The following NEK1 variants were observed in gnomAD, a reference collection of about 807,000 sequenced individuals.
The protein encoded by NEK1 is NIMA related kinase 1, also known as serine/threonine-protein kinase Nek1.
NEK1 carries 137 observed loss-of-function variants against 182.1 expected under a neutral mutation model. The observed-to-expected ratio is 0.75, with a 90% CI of 0.65 to 0.87. The LOEUF (loss-of-function observed/expected upper bound fraction) is 0.87. Ranked by LOEUF, NEK1 falls within the 40% of genes least tolerant of loss-of-function variation. The pLI is 0.00. For synonymous variants in NEK1, 513 were observed against 492.2 expected, an observed-to-expected ratio of 1.04 and a Z score of -0.56; for missense variants, 1,391 against 1,494.4, an observed-to-expected ratio of 0.93 and a Z score of 1.14.
At chr4:169,495,301 T>C (rs1162152122) in intron 23 of NEK1, among the ~76,000 whole-genome samples, 1 of 144,766 alleles carries the variant, frequency 6.9e-6, no homozygotes, top group Non-Finnish European at 1.5e-5. Flanking sequence ...TGGAGTGCAG[T>C]GGCGCGATCT....
At chr4:169,542,711 T>G (rs1421227789) in intron 18 of NEK1, among the ~76,000 whole-genome samples, 2 of 152,150 alleles carry the variant, frequency 1.3e-5, no homozygotes, top group East Asian at 1.9e-4. Flanking sequence ...AGATGGTATC[T>G]CATTGTGGTT....
In NEK1 at chr4:169,424,634, C is replaced by T. The variant is rs190807750; in HGVS notation, c.3141G>A (p.Ser1047=). The T allele has an allele frequency of 5.3e-5, 86 of 1,613,314 alleles. No individual in the cohort carries two copies. Among genetic ancestry groups the T allele is most frequent in the Non-Finnish European group, 7.0e-5 (83 of 1,179,508 alleles). The change falls in exon 31 of 36, where the codon TCG becomes TCA. Residue 1047 remains serine, a synonymous_variant. Transcript: ENST00000507142. ...TGTTTTTATTTTTTGGTGGTAAATG[C>T]GAGTGAGATCGAAATGCAAAGGATT... ...PEESFAFRSH[S]HLPPKNKNKN...
At chr4:169,555,509 A>G in intron 18 of NEK1, 1 of 557,360 alleles carries the variant, frequency 1.8e-6, no homozygotes, top group South Asian at 2.0e-5. Context: ...CCCACAAACA[A>G]GACACAAAAA....
chr4:169,479,361 A>T, intron 24 of NEK1, 42 bp downstream of exon 24: 1 of 1,555,120 alleles, frequency 6.4e-7, no homozygotes, highest in African/African-American at 1.4e-5. Flanking sequence ...CCTTTTAAAT[A>T]ATCTTTTGAC....
chr4:169,484,586 G>A (rs1391460162), intron 23 of NEK1, among the ~76,000 whole-genome samples: 2 of 152,128 alleles, frequency 1.3e-5, no homozygotes, highest in African/African-American at 2.4e-5. Flanking sequence ...AAAGAGATAA[G>A]TACTAAACGA....
At chr4:169,609,405 C>T (rs1268639268) in intron 2 of NEK1, among the ~76,000 whole-genome samples, 2 of 152,130 alleles carry the variant, frequency 1.3e-5, no homozygotes, top group Admixed American at 1.3e-4. Flanking sequence ...CAAAGTTATC[C>T]TCTGCAGCAC....
intron 8 of NEK1, 93 bp downstream of exon 8, chr4:169,588,552 TATTA>T: frequency 1.5e-6 from 1 of 666,464 alleles, no homozygotes; most frequent in Non-Finnish European, 2.6e-6. Flanking sequence ...TACATGTATG[TATTA>T]TTTATTTTAG....
At chr4:169,544,245 T>C (rs975016008) in intron 18 of NEK1, among the ~76,000 whole-genome samples, 5 of 152,188 alleles carry the variant, frequency 3.3e-5, no homozygotes, top group African/African-American at 1.2e-4. Context: ...TTGTCATTAG[T>C]TCTGTTTATG....
intron 12 of NEK1, among the ~76,000 whole-genome samples, chr4:169,570,684 C>T (rs868395994): frequency 2.0e-5 from 3 of 152,232 alleles, no homozygotes; most frequent in Non-Finnish European, 2.9e-5. Flanking sequence ...GTGTGCCCAG[C>T]GGCTCATTGA....
At chr4:169,453,164 G>A (rs1007778569) in intron 27 of NEK1, among the ~76,000 whole-genome samples, 1 of 152,128 alleles carries the variant, frequency 6.6e-6, no homozygotes, top group Non-Finnish European at 1.5e-5. Flanking sequence ...AATAAAAGAG[G>A]ACACAAACAA....
chr4:169,471,646 G>A (rs967011588), intron 26 of NEK1, among the ~76,000 whole-genome samples: 1 of 152,190 alleles, frequency 6.6e-6, no homozygotes, highest in Non-Finnish European at 1.5e-5. Context: ...AGCAGATCTT[G>A]AGCGCTGTGG....
intron 19 of NEK1, among the ~76,000 whole-genome samples, chr4:169,533,704 G>A (rs1758019271): frequency 6.6e-6 from 1 of 152,150 alleles, no homozygotes; most frequent in African/African-American, 2.4e-5. Flanking sequence ...GGAACATCAG[G>A]CCTAGAAATC....
chr4:169,555,215 C>T (rs1761996419), intron 18 of NEK1: 2 of 162,812 alleles, frequency 1.2e-5, no homozygotes, highest in Non-Finnish European at 1.3e-5. Context: ...AATCAGTTAC[C>T]ATTATTAATT....
chr4:169,493,500 T>G (rs1334941275), intron 23 of NEK1, among the ~76,000 whole-genome samples: 4 of 152,014 alleles, frequency 2.6e-5, no homozygotes, highest in Admixed American at 1.3e-4. Flanking sequence ...GCAAGGAAAC[T>G]CCACAAGATC....
intron 19 of NEK1, among the ~76,000 whole-genome samples, chr4:169,516,593 A>C (rs1197395151): frequency 1.5e-5 from 1 of 67,264 alleles, no homozygotes; most frequent in Non-Finnish European, 2.7e-5. Flanking sequence ...CTATGTCCTG[A>C]ATGGTAATGC....
At chr4:169,497,242 G>A (rs1349433078) in intron 23 of NEK1, among the ~76,000 whole-genome samples, 2 of 151,800 alleles carry the variant, frequency 1.3e-5, no homozygotes, top group Non-Finnish European at 2.9e-5. Context: ...TGTGGGATTG[G>A]TGGTGATATC....
chr4:169,512,389 T>G (rs1754335485), intron 19 of NEK1, among the ~76,000 whole-genome samples: 1 of 152,122 alleles, frequency 6.6e-6, no homozygotes, highest in Non-Finnish European at 1.5e-5. Context: ...CTTCATGTGT[T>G]ACCTGCCATA....
At chr4:169,564,212 C>T (rs951791197) in intron 12 of NEK1, among the ~76,000 whole-genome samples, 7 of 151,898 alleles carry the variant, frequency 4.6e-5, no homozygotes, top group African/African-American at 2.4e-5. Flanking sequence ...TTTCAGCCAC[C>T]TTAAAAAAAG....
intron 16 of NEK1, among the ~76,000 whole-genome samples, chr4:169,557,350 T>C (rs1365798928): frequency 6.8e-6 from 1 of 147,946 alleles, no homozygotes; most frequent in African/African-American, 2.5e-5. Flanking sequence ...AAAATAGAGA[T>C]GTCAGAAAAG....
Sources: allele counts gnomAD v4.1 joint callset (sites outside exome capture counted in the v4.1 genomes callset), GRCh38; gene constraint gnomAD v4.1.1; transcripts MANE v1.5; gene names NCBI Gene and HGNC (gene_info 2026-07-23, HGNC 2026-07-21).